Variants in CHN1 observed in about 807,000 individuals in gnomAD.
CHN1 encodes the protein chimerin 1.
CHN1 carries 37 observed loss-of-function variants against 59.5 expected under a neutral mutation model. The observed-to-expected ratio is 0.62, with a 90% CI of 0.48 to 0.82. CHN1 has a LOEUF of 0.82. CHN1 is among the 40% of genes least tolerant of loss of function. The pLI is 0.00. For synonymous variants in CHN1, 206 were observed against 200.4 expected, an observed-to-expected ratio of 1.03 and a Z score of -0.24; for missense variants, 469 against 571.0, an observed-to-expected ratio of 0.82 and a Z score of 1.82.
chr2:174,875,412 AC>A (rs1297546401), intron 6 of CHN1, among the ~76,000 whole-genome samples: 2 of 152,166 alleles, frequency 1.3e-5, no homozygotes, highest in African/African-American at 4.8e-5. Context: ...TCCTTTTGGT[AC>A]TATTGTTGTC....
At chr2:174,960,086 C>T (rs1343962742) in intron 1 of CHN1, among the ~76,000 whole-genome samples, 1 of 151,930 alleles carries the variant, frequency 6.6e-6, no homozygotes, top group Non-Finnish European at 1.5e-5. Flanking sequence ...AACTTGGAGG[C>T]GGAGACTGTC....
chr2:174,883,122 A>G (rs1687783805), intron 5 of CHN1, among the ~76,000 whole-genome samples: 1 of 152,196 alleles, frequency 6.6e-6, no homozygotes, highest in African/African-American at 2.4e-5. Flanking sequence ...CATCTTCTGA[A>G]CAGTGGAACT....
intron 5 of CHN1, among the ~76,000 whole-genome samples, chr2:174,914,392 A>C (rs1487369557): frequency 6.6e-6 from 1 of 152,206 alleles, no homozygotes; most frequent in African/African-American, 2.4e-5. Context: ...ACCAAAAGCC[A>C]ACCTAAGAGA....
At chr2:174,878,221 TTGTTTTGTGTG>T in intron 5 of CHN1, 93 bp from the exon 6 acceptor site, 1 of 1,160,438 alleles carries the variant, frequency 8.6e-7, no homozygotes. Flanking sequence ...AACTATCGCT[TTGTTTTGTGTG>T]TGTCTTCTTT....
intron 1 of CHN1, among the ~76,000 whole-genome samples, chr2:174,962,234 G>A (rs747879964): frequency 9.9e-5 from 15 of 151,862 alleles, no homozygotes; most frequent in Non-Finnish European, 1.5e-4. Context: ...GCAGTGAGCC[G>A]AGATCACGCC....
intron 1 of CHN1, among the ~76,000 whole-genome samples, chr2:174,974,708 AG>A (rs931898974): frequency 6.6e-6 from 1 of 152,156 alleles, no homozygotes; most frequent in Non-Finnish European, 1.5e-5. Flanking sequence ...GTAATAATAA[AG>A]GTAAATAAAA....
chr2:174,847,773 C>CAAAAAAAAAAA lies in CHN1; in HGVS notation c.550-827_550-817dup, dbSNP rs71031072. 145 of 238,424 alleles carry CAAAAAAAAAAA rather than the reference C, an allele frequency of 6.1e-4. 20 individuals are homozygous for CAAAAAAAAAAA. The African/African-American group carries it at 6.6e-3, about 11-fold the overall frequency. 14.8% of individuals were successfully genotyped at this position (238,424 alleles called of 1,614,324 possible). ...AAGTAAGTTTCTTGCTGGCTCAAGG[C>CAAAAAAAAAAA]AAAAAAAAAAAAAAAAAAAAAAAAA... On this transcript the variant is annotated intron_variant, in intron 6 of 12. Transcript: ENST00000409900.
intron 5 of CHN1, among the ~76,000 whole-genome samples, chr2:174,892,093 G>A (rs1001894996): frequency 2.0e-5 from 3 of 152,110 alleles, no homozygotes; most frequent in South Asian, 2.1e-4. Flanking sequence ...CAAGGACATC[G>A]AATCAGCAGT....
At chr2:174,838,945 AG>A (rs1470055375) in intron 7 of CHN1, among the ~76,000 whole-genome samples, 1 of 151,894 alleles carries the variant, frequency 6.6e-6, no homozygotes, top group Non-Finnish European at 1.5e-5. Context: ...TGAACCCAGG[AG>A]GCGGAAGTTG....
At chr2:174,823,479 T>C (rs545965458) in intron 8 of CHN1, among the ~76,000 whole-genome samples, 3 of 152,010 alleles carry the variant, frequency 2.0e-5, no homozygotes, top group African/African-American at 7.3e-5. Context: ...CTGGCTAACA[T>C]GGTGAAACCC....
At chr2:174,912,282 T>C (rs771638305) in intron 5 of CHN1, among the ~76,000 whole-genome samples, 4 of 152,216 alleles carry the variant, frequency 2.6e-5, no homozygotes, top group Non-Finnish European at 5.9e-5. Context: ...TGTAGTATAA[T>C]GTAAGGTAGG....
intron 6 of CHN1, among the ~76,000 whole-genome samples, chr2:174,867,988 G>A (rs1687280885): frequency 6.6e-6 from 1 of 152,138 alleles, no homozygotes; most frequent in African/African-American, 2.4e-5. Flanking sequence ...ATTAATCTAT[G>A]CGTAGGAAGA....
chr2:174,876,076 T>C (rs1039643760), intron 6 of CHN1, among the ~76,000 whole-genome samples: 3 of 152,180 alleles, frequency 2.0e-5, no homozygotes, highest in African/African-American at 2.4e-5. Flanking sequence ...GTACAGAAAG[T>C]TGCTAGAATA....
At chr2:174,832,860 C>A (rs1383050610) in intron 7 of CHN1, among the ~76,000 whole-genome samples, 2 of 152,068 alleles carry the variant, frequency 1.3e-5, no homozygotes, top group Admixed American at 6.5e-5. Flanking sequence ...CAAACCTGTA[C>A]AGCATGTTAC....
intron 6 of CHN1, among the ~76,000 whole-genome samples, chr2:174,875,198 T>TA (rs1378792690): frequency 1.3e-5 from 2 of 152,206 alleles, no homozygotes; most frequent in African/African-American, 4.8e-5. Context: ...TAAAAAAACT[T>TA]AAATTTTCAT....
At chr2:174,835,774 C>A (rs902381146) in intron 7 of CHN1, among the ~76,000 whole-genome samples, 1 of 152,110 alleles carries the variant, frequency 6.6e-6, no homozygotes, top group East Asian at 1.9e-4. Context: ...TCACTACAAC[C>A]TTTAGTCTAC....
intron 6 of CHN1, among the ~76,000 whole-genome samples, chr2:174,852,546 C>T (rs1162922244): frequency 1.3e-5 from 2 of 152,104 alleles, no homozygotes; most frequent in Non-Finnish European, 2.9e-5. Flanking sequence ...GTCAGATTAC[C>T]AACATCATTC....
At chr2:174,963,829 C>A (rs1388048709) in intron 1 of CHN1, among the ~76,000 whole-genome samples, 2 of 152,136 alleles carry the variant, frequency 1.3e-5, no homozygotes, top group African/African-American at 4.8e-5. Flanking sequence ...AGCCGACTCA[C>A]AAGAGCACAA....
In CHN1 at chr2:174,832,223, A is replaced by C. The variant is rs973947861; in HGVS notation, c.628-7705T>G. Among the ~76,000 whole-genome samples, 3 of 152,106 alleles carry C rather than the reference A, an allele frequency of 2.0e-5. No homozygotes were observed. The East Asian group carries it at 5.8e-4, about 29-fold the overall frequency. On this transcript the variant is annotated intron_variant, in intron 7 of 12. Transcript: ENST00000409900. ...ATCTGACTAAAATGCACAGGAAGTT[A>C]TTAAAAGTATGTAGTTAAAACCCTT...
Sources: gnomAD v4.1 joint callset for allele counts (sites outside exome capture counted in the v4.1 genomes callset) on GRCh38, gnomAD v4.1.1 for gene constraint, MANE v1.5 for transcripts, NCBI Gene and HGNC (gene_info 2026-07-23, HGNC 2026-07-21) for gene names.